The following EML6 variants were observed in gnomAD, a reference collection of about 807,000 sequenced individuals.
The protein encoded by EML6 is EMAP like 6.
A neutral mutation model predicts 240.1 loss-of-function variants in EML6; 154 were observed. The observed-to-expected ratio is 0.64, with a 90% CI of 0.56 to 0.73. EML6 has a LOEUF of 0.73. Among genes scored for constraint, EML6 ranks in the 30% least tolerant of loss-of-function variants. The pLI is 0.00. For synonymous variants in EML6, 1,148 were observed against 899.0 expected (o/e 1.28, Z -4.95); for missense variants, 2,964 against 2,474.6 (o/e 1.20, Z -4.20).
chr2:54,742,155 G>A (rs547646712), intron 2 of EML6, among the ~76,000 whole-genome samples: 46 of 152,204 alleles, frequency 3.0e-4, no homozygotes, highest in Middle Eastern at 6.8e-3. Flanking sequence ...GTGTTCTGTG[G>A]CACAGATCTG....
At chr2:54,960,409 C>G (rs983032706) in intron 35 of EML6, 75 bp downstream of exon 35, 2 of 1,102,090 alleles carry the variant, frequency 1.8e-6, no homozygotes, top group South Asian at 2.7e-5. Flanking sequence ...CCGGCACTTT[C>G]TCTGGGCTGG....
At chr2:54,755,960 C>A (rs1331984909) in intron 2 of EML6, among the ~76,000 whole-genome samples, 1 of 151,988 alleles carries the variant, frequency 6.6e-6, no homozygotes, top group Admixed American at 6.6e-5. Context: ...GGTTAGGAAT[C>A]GGCAAATACC....
At chr2:54,962,795 G>A (rs3796007) in intron 36 of EML6, 84 bp downstream of exon 36, 131,780 of 1,194,190 alleles carry the variant, frequency 0.11, 9,454 homozygotes, top group African/African-American at 0.28. Flanking sequence ...CCCAGCCAGC[G>A]TCATGGCAGA....
chr2:54,961,729 A>G (rs556279721), intron 35 of EML6, among the ~76,000 whole-genome samples: 24 of 151,160 alleles, frequency 1.6e-4, no homozygotes, highest in Middle Eastern at 3.4e-3. Flanking sequence ...CTGGCCAGGC[A>G]TGGTGGCTCA....
rs1215548907 is a variant in EML6, at chr2:54,892,484, T to C, written c.2570T>C (p.Phe857Ser). 3.9e-6 allele frequency: 6 copies of C among 1,551,406 alleles called. No individual in the cohort carries two copies. Among genetic ancestry groups the C allele is most frequent in the African/African-American group, 1.4e-5 (1 of 73,156 alleles). Residue 857 changes from phenylalanine to serine, a missense_variant, in exon 19 of 42, where the codon TTT becomes TCT. By Grantham distance (155) the Phe-to-Ser change is radical (BLOSUM62 -2). Coordinates refer to ENST00000356458, the MANE Select transcript of EML6 (RefSeq NM_001039753.4). ...GGGFTSKRGT[F>S]GSVGKLETMM... ...GGCTTCACTTCTAAAAGAGGAACTT[T>C]TGGAAGCGTTGGAAAATTGGAAACA... is the stretch of plus-strand genomic sequence containing the variant.
At chr2:54,769,810 C>G (rs554468528) in intron 2 of EML6, among the ~76,000 whole-genome samples, 2 of 152,310 alleles carry the variant, frequency 1.3e-5, no homozygotes, top group East Asian at 3.9e-4. Context: ...AGGTACTATC[C>G]TGTCCAGTAG....
chr2:54,932,732 C>G (rs936610745), intron 28 of EML6, among the ~76,000 whole-genome samples: 5 of 152,166 alleles, frequency 3.3e-5, no homozygotes, highest in African/African-American at 9.7e-5. Flanking sequence ...GTGCCCAAAT[C>G]CTGTATTCAG....
intron 3 of EML6, among the ~76,000 whole-genome samples, chr2:54,813,609 G>A (rs1207121663): frequency 6.6e-6 from 1 of 152,044 alleles, no homozygotes; most frequent in African/African-American, 2.4e-5. Context: ...CCCACCATCT[G>A]GTTAAAAAGC....
intron 26 of EML6, among the ~76,000 whole-genome samples, chr2:54,927,397 A>G (rs1404057414): frequency 1.3e-5 from 2 of 152,136 alleles, no homozygotes; most frequent in Non-Finnish European, 1.5e-5. Context: ...ACTTAATAAA[A>G]TTTTCATCTG....
In EML6 at chr2:54,789,493, C is replaced by G. The variant is rs369757713; in HGVS notation, c.198-23739C>G. ...TACGCCACTGCACTCCCGCCTGGGC[C>G]ACAGAGCGAGACTTCGTCTCAAAAA... is the stretch of plus-strand genomic sequence containing the variant. On this transcript the variant is annotated intron_variant, in intron 2 of 41. Transcript: ENST00000356458. Among the ~76,000 whole-genome samples the G allele has an allele frequency of 2.9e-3, 359 of 124,724 alleles. 13 individuals carry two copies. The South Asian group carries it at 0.074, about 26-fold the overall frequency. 81.8% of individuals were successfully genotyped at this position (124,724 alleles called of 152,430 possible). A position where few individuals can be genotyped will look rare whatever the true frequency, so the allele number is the denominator to read the frequency against.
rs775835229 is a variant in EML6 at position 54,859,559 on chromosome 2, C to T, written c.1683C>T (p.Gly561=). Residue 561 remains glycine, a synonymous_variant, in exon 12 of 42, where the codon GGC becomes GGT. Coordinates refer to ENST00000356458, the MANE Select transcript of EML6 (RefSeq NM_001039753.4). ...GAGCCAAATTTAGAAAGTATGTGGG[C>T]CATTCTGCACATGTCACAAATGTCC... ...KRGAKFRKYV[G]HSAHVTNVRW... is the part of the protein sequence containing the mutation. 44 of 1,550,432 alleles carry T rather than the reference C, an allele frequency of 2.8e-5. 2 individuals are homozygous for T. In the South Asian group the frequency reaches 4.9e-4, roughly 17 times the overall value.
Position 54,928,463 on chromosome 2 carries a change from A to G in EML6, c.3826A>G (p.Ser1276Gly). 6.5e-7 allele frequency: 1 copy of G among 1,549,676 alleles called. No homozygotes were observed. Among genetic ancestry groups the G allele is most frequent in the Non-Finnish European group, 8.7e-7 (1 of 1,145,686 alleles). Residue 1276 changes from serine (S) to glycine (G), a missense_variant, in exon 27 of 42, where the codon AGC becomes GGC. Transcript: ENST00000356458. ...WTREFVGTQE[S>G]KLVDSEESDT... ...CAGGGAGTTTGTGGGGACCCAGGAG[A>G]GCAAGCTGGTGGACAGCGAGGAGTC...
intron 2 of EML6, among the ~76,000 whole-genome samples, chr2:54,779,985 A>G (rs568093292): frequency 6.6e-6 from 1 of 152,252 alleles, no homozygotes; most frequent in African/African-American, 2.4e-5. Context: ...AAACCTTCAA[A>G]TGATACGGAA....
chr2:54,879,610 G>A lies in EML6; in HGVS notation c.2408G>A (p.Trp803Ter). Reference protein sequence around the residue: ...DDFHSIVFWDWKKGEKIATTR... With the variant: ...DDFHSIVFWD ...TTTCACAGTATTGTATTTTGGGACT[G>A]GAAAAAGGGAGAAAAGATAGCCACA... Residue 803 changes from tryptophan (W) to a stop codon, truncating the protein, a stop_gained, in exon 17 of 42, where the codon TGG becomes TAG. Transcript: ENST00000356458. LOFTEE classifies it high-confidence loss of function. 1 of 1,551,464 alleles carries A rather than the reference G, an allele frequency of 6.4e-7. No individual in the cohort carries two copies. The highest frequency in any genetic ancestry group is 8.7e-7 in the Non-Finnish European group (1 of 1,146,442).
intron 2 of EML6, among the ~76,000 whole-genome samples, chr2:54,806,094 C>T (rs534264081): frequency 6.6e-6 from 1 of 152,108 alleles, no homozygotes; most frequent in South Asian, 2.1e-4. Context: ...TTTTTTCTGA[C>T]ATATACATGT....
intron 17 of EML6, among the ~76,000 whole-genome samples, chr2:54,883,445 C>T (rs970599116): frequency 1.3e-5 from 2 of 152,144 alleles, no homozygotes; most frequent in African/African-American, 4.8e-5. Flanking sequence ...AAAGGGAGAA[C>T]AAAATTACAC....
chr2:54,816,687 A>G, intron 3 of EML6, 100 bp from the exon 4 acceptor site: 3 of 936,160 alleles, frequency 3.2e-6, no homozygotes, highest in Non-Finnish European at 1.7e-6. Context: ...TTGTTATAAG[A>G]AATTCAATGC....
intron 2 of EML6, among the ~76,000 whole-genome samples, chr2:54,744,874 G>A (rs1427178911): frequency 6.7e-6 from 1 of 150,044 alleles, no homozygotes; most frequent in Non-Finnish European, 1.5e-5. Flanking sequence ...AGAAGGATGG[G>A]AATGCATGTG....
At chr2:54,854,649 A>G (rs183990189) in intron 11 of EML6, among the ~76,000 whole-genome samples, 3 of 152,366 alleles carry the variant, frequency 2.0e-5, no homozygotes, top group Admixed American at 2.0e-4. Context: ...GGATTGAAAA[A>G]TGCAATCAGA....
Sources: gnomAD v4.1 joint callset for allele counts (sites outside exome capture counted in the v4.1 genomes callset) on GRCh38, gnomAD v4.1.1 for gene constraint, MANE v1.5 for transcripts, NCBI Gene and HGNC (gene_info 2026-07-23, HGNC 2026-07-21) for gene names.